Variants in MDC1 observed in about 807,000 individuals in gnomAD.
MDC1 encodes the protein mediator of DNA damage checkpoint protein 1.
In MDC1, 81 loss-of-function variants were observed where a neutral mutation model predicts 142.5. The ratio of observed to expected loss-of-function variants is 0.57; its 90% CI spans 0.47 to 0.68. MDC1 has a LOEUF of 0.68. MDC1 is among the 30% of genes least tolerant of loss of function. The pLI is 0.00. For synonymous variants in MDC1, 797 were observed against 968.4 expected (o/e 0.82, Z 3.29); for missense variants, 2,119 against 2,547.9 (o/e 0.83, Z 3.62).
chr6:30,704,186 G>A lies in MDC1; in HGVS notation c.4997C>T (p.Thr1666Ile), dbSNP rs1581541842. 1 of 1,613,518 alleles carries A rather than the reference G, an allele frequency of 6.2e-7. No individual in the cohort carries two copies. Among genetic ancestry groups the A allele is most frequent in the Non-Finnish European group, 8.5e-7 (1 of 1,179,748 alleles). ...AASDLEPFTP[T>I]DQSVTPEAIA... ...GGCCTCAGGGGTGACGGACTGGTCT[G>A]TGGGGGTAAAAGGCTCAAGATCAGA... The change falls in exon 10 of 15, where the codon ACA becomes ATA. Residue 1666 changes from threonine (T) to isoleucine (I), a missense_variant. Thr to Ile is a moderately conservative substitution (Grantham distance 89). Transcript: ENST00000376406.
Position 30,716,227 on chromosome 6 carries a change from C to CTTTCTTT in MDC1, c.-4+1017_-4+1018insAAAGAAA, listed in dbSNP as rs60594424. ...ATTCAGTTCAAATGTCACTTTCTTT[C>CTTTCTTT]TTTTTTTTTTTTTTGAGATGGAATC... is the stretch of plus-strand genomic sequence containing the variant. On this transcript the variant is annotated intron_variant, in intron 1 of 14. Transcript: ENST00000376406. The surrounding 1 kb of genome is among the most constrained non-coding windows in gnomAD (Gnocchi z 4.4). Among the ~76,000 whole-genome samples the CTTTCTTT allele has an allele frequency of 8.3e-5, 12 of 144,382 alleles. No individual in the cohort carries two copies. Among genetic ancestry groups the CTTTCTTT allele is most frequent in the African/African-American group, 1.3e-4 (5 of 39,542 alleles). The allele number at this position is 144,382 out of a possible 152,430, so 94.7% of individuals were successfully genotyped here.
rs1156459569 is a variant in MDC1, at chr6:30,713,138, C to T, written c.804G>A (p.Arg268=). The T allele has an allele frequency of 1.2e-6, 2 of 1,612,828 alleles. No homozygotes were observed. The highest frequency in any genetic ancestry group is 1.7e-6 in the Non-Finnish European group (2 of 1,179,824). ...CCCTCTTGACTTTTGTATCATTGTCCCTCTCCTTCACTAAAGGCTGATCCT... is the reference window on the plus strand; with the variant it reads ...CCCTCTTGACTTTTGTATCATTGTCTCTCTCCTTCACTAAAGGCTGATCCT... ...LEKDQPLVKE[R]DNDTKVKRGA... is the part of the protein sequence containing the mutation. The change falls in exon 5 of 15, where the codon AGG becomes AGA. Residue 268 remains arginine (R), a synonymous_variant. Coordinates refer to ENST00000376406, the MANE Select transcript of MDC1 (RefSeq NM_014641.3). This position sits in a 1 kb window ranked among gnomAD's most constrained non-coding sequence, Gnocchi z 4.9.
chr6:30,702,256 CAAAAAAAAAAAA>C lies in MDC1; in HGVS notation c.6102+285_6102+296del, dbSNP rs57764077. ...CCAGCCTGAGAGTGAGACTCCATCTCAAAAAAAAAAAAAAAAAAAAAAAAAGAAAATCAAAGG... is the reference window on the plus strand; with the variant it reads ...CCAGCCTGAGAGTGAGACTCCATCTCAAAAAAAAAAAAAGAAAATCAAAGG... On this transcript the variant is annotated intron_variant, in intron 14 of 14. Coordinates refer to ENST00000376406, the MANE Select transcript of MDC1 (RefSeq NM_014641.3). Among the ~76,000 whole-genome samples, 246 of 59,160 alleles carry C rather than the reference CAAAAAAAAAAAA, an allele frequency of 4.2e-3. 1 individual carries two copies. The highest frequency in any genetic ancestry group is 7.8e-3 in the Admixed American group (35 of 4,506). The allele number at this position is 59,160 out of a possible 152,430, so 38.8% of individuals were successfully genotyped here.
Position 30,713,111 on chromosome 6 carries a change from A to G in MDC1, c.831T>C (p.Gly277=). The stretch of plus-strand genomic sequence containing the variant: ...CAGCTGGAACCACCCCATTCCCTGC[A>G]CCCCTCTTGACTTTTGTATCATTGT... The part of the protein sequence containing the change: ...ERDNDTKVKR[G]AGNGVVPAGV... The change falls in exon 5 of 15, where the codon GGT becomes GGC. Residue 277 remains glycine, a synonymous_variant. Transcript: ENST00000376406. This position sits in a 1 kb window ranked among gnomAD's most constrained non-coding sequence, Gnocchi z 4.9. 1.9e-6 allele frequency: 3 copies of G among 1,612,920 alleles called. 1 individual carries two copies. In the Middle Eastern group the frequency reaches 5.0e-4, roughly 266 times the overall value.
intron 7 of MDC1, 69 bp from the exon 8 acceptor site, chr6:30,708,426 G>C: frequency 8.4e-7 from 1 of 1,197,514 alleles, no homozygotes; most frequent in South Asian, 1.3e-5. Context: ...GAGGGAAAGG[G>C]AAGTACAGGT....
chr6:30,710,949 C>G (rs60794866), intron 7 of MDC1, among the ~76,000 whole-genome samples: 3,093 of 151,848 alleles, frequency 0.02, 91 homozygotes, highest in African/African-American at 0.068. Context: ...GAGACCAGGT[C>G]TCTCTCTGTT....
At position 30,703,443 on chromosome 6, in the gene MDC1, A is replaced by G. The variant is rs777183597; in HGVS notation, c.5657T>C (p.Leu1886Pro). The change falls in exon 11 of 15, where the codon CTT (leucine) becomes CCT (proline). Residue 1886 changes from leucine (L) to proline (P), a missense_variant. By Grantham distance (98) the Leu-to-Pro change is moderately conservative. Transcript: ENST00000376406. This position sits in a 1 kb window ranked among gnomAD's most constrained non-coding sequence, Gnocchi z 4.4. ...TTTGGGGGCTGTTGATTCTTGGTTA[A>G]GTTTGGTCCGTCGGAGGCTGCGGCT... ...IPSRSLRRTK[L>P]NQESTAPKVL... The G allele has an allele frequency of 6.3e-5, 101 of 1,613,750 alleles. No homozygotes were observed. Among genetic ancestry groups the G allele is most frequent in the Non-Finnish European group, 8.3e-5 (98 of 1,180,026 alleles).
rs574552499 is a variant in MDC1, at chr6:30,703,880, G to A, written c.5303C>T (p.Thr1768Ile). 18 of 1,614,066 alleles carry A rather than the reference G, an allele frequency of 1.1e-5. No individual in the cohort carries two copies. Among genetic ancestry groups the A allele is most frequent in the Non-Finnish European group, 1.4e-5 (17 of 1,180,040 alleles). ...WGAVRAAESL[T>I]AIPEPASPQL... ...GGGAGAGGCAGGCTCAGGAATGGCT[G>A]TAAGGGATTCAGCTGCTCTCACTGC... The change falls in exon 10 of 15, where the codon ACA becomes ATA. Residue 1768 changes from threonine to isoleucine, a missense_variant. Physicochemically the swap from Thr to Ile is moderately conservative, Grantham distance 89. Transcript: ENST00000376406. The surrounding 1 kb of genome is among the most constrained non-coding windows in gnomAD (Gnocchi z 4.4).
chr6:30,705,670 G>A lies in MDC1; in HGVS notation c.3513C>T (p.Ser1171=), dbSNP rs1773668568. 1 of 1,612,250 alleles carries A rather than the reference G, an allele frequency of 6.2e-7. No homozygotes were observed. The highest frequency in any genetic ancestry group is 8.5e-7 in the Non-Finnish European group (1 of 1,179,190). The part of the protein sequence containing the change: ...VVPTAPELQP[S]TSTDQPVTSE... ...AGGTGACAGGCTGGTCTGTGGAGGT[G>A]GAAGGCTGGAGCTCAGGGGCTGTGG... The change falls in exon 10 of 15, where the codon TCC becomes TCT. Residue 1171 remains serine, a synonymous_variant. Coordinates refer to ENST00000376406, the MANE Select transcript of MDC1 (RefSeq NM_014641.3).
intron 7 of MDC1, 35 bp from the exon 8 acceptor site, chr6:30,708,392 A>G (rs1350492971): frequency 4.5e-6 from 7 of 1,557,138 alleles, no homozygotes; most frequent in Non-Finnish European, 6.1e-6. Context: ...AGAGAGGGAG[A>G]GGGAGAGAAA....
Position 30,705,761 on chromosome 6 carries a change from G to A in MDC1, c.3422C>T (p.Pro1141Leu). 1.2e-6 allele frequency: 2 copies of A among 1,613,344 alleles called. No homozygotes were observed. The highest frequency in any genetic ancestry group is 2.2e-5 in the South Asian group (2 of 91,012). Residue 1141 changes from proline to leucine, a missense_variant, in exon 10 of 15, where the codon CCC (proline) becomes CTC (leucine). By Grantham distance (98) the Pro-to-Leu change is moderately conservative. Transcript: ENST00000376406. ...CCTGCTCCTAGTGGCCTGAGATGTG[G>A]GCTTGGGAGTGACTGGCTGGGCTGT... is the stretch of plus-strand genomic sequence containing the variant. ...TSTAQPVTPK[P>L]TSQATRSRTN...
At chr6:30,706,208 C>A in intron 9 of MDC1, 110 bp from the exon 10 acceptor site, 2 of 988,522 alleles carry the variant, frequency 2.0e-6, no homozygotes, top group East Asian at 2.6e-5. Flanking sequence ...AGATTTCCAC[C>A]GGGCGTGGTG....
chr6:30,705,455 A>G lies in MDC1; in HGVS notation c.3728T>C (p.Val1243Ala). Residue 1243 changes from valine (V) to alanine (A), a missense_variant, in exon 10 of 15, where the codon GTT becomes GCT. By Grantham distance (64) the Val-to-Ala change is moderately conservative (BLOSUM62 0). Coordinates refer to ENST00000376406, the MANE Select transcript of MDC1 (RefSeq NM_014641.3). ...NRSSVKTPEP[V>A]VPTAPELQPS... ...CTGGAGCTCAGGGGCTGTGGGGACAACTGGTTCAGGGGTCTTGACAGAGGA... is the reference window on the plus strand; with the variant it reads ...CTGGAGCTCAGGGGCTGTGGGGACAGCTGGTTCAGGGGTCTTGACAGAGGA... 1 of 1,609,646 alleles carries G rather than the reference A, an allele frequency of 6.2e-7. No homozygotes were observed. Among genetic ancestry groups the G allele is most frequent in the Admixed American group, 1.7e-5 (1 of 59,632 alleles).
Position 30,703,117 on chromosome 6 carries a change from T to C in MDC1, c.5852A>G (p.Asp1951Gly), listed in dbSNP as rs758544306. Residue 1951 changes from aspartate to glycine, a missense_variant, in exon 12 of 15, where the codon GAC (aspartate) becomes GGC (glycine). Transcript: ENST00000376406. This position sits in a 1 kb window ranked among gnomAD's most constrained non-coding sequence, Gnocchi z 4.4. The part of the protein sequence containing the change: ...LGRGIPILSL[D>G]WLHQSRKAGF... ...TTGGCCTCTCACCTGATGCAGCCAG[T>C]CCAGGGACAGAATGGGGATTCCCCG... The C allele has an allele frequency of 5.0e-6, 8 of 1,612,880 alleles. No individual in the cohort carries two copies. Among genetic ancestry groups the C allele is most frequent in the Non-Finnish European group, 6.8e-6 (8 of 1,179,898 alleles).
chr6:30,714,104 G>A lies in MDC1; in HGVS notation c.216C>T (p.Ser72=), dbSNP rs556770029. 1.2e-6 allele frequency: 2 copies of A among 1,612,624 alleles called. No homozygotes were observed. Among genetic ancestry groups the A allele is most frequent in the East Asian group, 4.5e-5 (2 of 44,882 alleles). The part of the protein sequence containing the change: ...CSVALPFPSI[S]KQHAEIEILA... The stretch of plus-strand genomic sequence containing the variant: ...AGATTTCAATCTCTGCATGTTGTTT[G>A]GAGATAGATGGAAAGGGCAGGGCCA... Residue 72 remains serine, a synonymous_variant, in exon 3 of 15, where the codon TCC becomes TCT. Transcript: ENST00000376406.
chr6:30,707,640 G>A lies in MDC1; in HGVS notation c.2939C>T (p.Thr980Ile), dbSNP rs753904353. ...GCTCCCAGAAGGTACGGGGGCTGAG[G>A]TAGGTCCCGGAAGGTCCCCCGCCCC... ...GVGAGDLPGP[T>I]SAPVPSGSQS... Residue 980 changes from threonine to isoleucine, a missense_variant, in exon 8 of 15, where the codon ACC becomes ATC. By Grantham distance (89) the Thr-to-Ile change is moderately conservative (BLOSUM62 -1). Transcript: ENST00000376406. The A allele has an allele frequency of 9.3e-6, 15 of 1,612,920 alleles. No homozygotes were observed. The highest frequency in any genetic ancestry group is 1.2e-5 in the Non-Finnish European group (14 of 1,180,018).
In MDC1 at chr6:30,710,598, T is replaced by C. The variant is rs2394394; in HGVS notation, c.2221+814A>G. ...TTTTAGTAGAGACGGGGTTTCTCCA[T>C]GTTGGTCAGGCTGGTCTCAAGCTCC... On this transcript the variant is annotated intron_variant, in intron 7 of 14. Transcript: ENST00000376406. Among the ~76,000 whole-genome samples the C allele has an allele frequency of 6.8e-3, 1,042 of 152,240 alleles. 10 individuals carry two copies. The highest frequency in any genetic ancestry group is 9.6e-3 in the Admixed American group (147 of 15,284).
intron 2 of MDC1, 88 bp downstream of exon 2, chr6:30,714,952 C>A: frequency 6.8e-7 from 1 of 1,466,140 alleles, no homozygotes; most frequent in Non-Finnish European, 9.3e-7. Context: ...CTCATTGAAA[C>A]ATACATAAGC....
chr6:30,708,333 A>C lies in MDC1; in HGVS notation c.2246T>G (p.Val749Gly). The C allele has an allele frequency of 6.2e-7, 1 of 1,611,206 alleles. No individual in the cohort carries two copies. Among genetic ancestry groups the C allele is most frequent in the Non-Finnish European group, 8.5e-7 (1 of 1,179,898 alleles). Residue 749 changes from valine to glycine, a missense_variant, in exon 8 of 15, where the codon GTC (valine) becomes GGC (glycine). Transcript: ENST00000376406. ...CAGACAGAATGGCTGTGTAGCCAGG[A>C]CCTCCCATGGTTCATCTAGGGTACC... ...TTGTLDEPWE[V>G]LATQPFCLRE...
Sources: allele counts gnomAD v4.1 joint callset (sites outside exome capture counted in the v4.1 genomes callset), GRCh38; gene constraint gnomAD v4.1.1; non-coding constraint Gnocchi (gnomAD v3.1); transcripts MANE v1.5; gene names NCBI Gene and HGNC (gene_info 2026-07-23, HGNC 2026-07-21).